Variants in GPATCH2 observed in about 807,000 individuals in gnomAD.
GPATCH2 encodes the protein G-patch domain containing 2.
GPATCH2 carries 51 observed loss-of-function variants against 58.0 expected under a neutral mutation model. The ratio of observed to expected loss-of-function variants is 0.88; its 90% confidence interval spans 0.70 to 1.11. GPATCH2 has a LOEUF of 1.11. Among genes scored for constraint, GPATCH2 ranks in the 50% most tolerant of loss-of-function variants. The pLI is 0.00. For missense variants in GPATCH2, 625 were observed against 652.2 expected, an observed-to-expected ratio of 0.96 and a Z score of 0.45; for synonymous variants, 222 against 218.5, an observed-to-expected ratio of 1.02 and a Z score of -0.14.
intron 7 of GPATCH2, among the ~76,000 whole-genome samples, chr1:217,493,210 A>G (rs906731986): frequency 6.6e-6 from 1 of 152,140 alleles, no homozygotes; most frequent in Non-Finnish European, 1.5e-5. Context: ...TGCAGACACT[A>G]TGAGCTTTCT....
At chr1:217,513,775 C>G (rs563148734) in intron 6 of GPATCH2, among the ~76,000 whole-genome samples, 1 of 151,648 alleles carries the variant, frequency 6.6e-6, no homozygotes, top group South Asian at 2.1e-4. Flanking sequence ...TATATTATTA[C>G]CAAATGCTTG....
chr1:217,464,023 T>G (rs1429848819), intron 8 of GPATCH2, among the ~76,000 whole-genome samples: 1 of 152,116 alleles, frequency 6.6e-6, no homozygotes, highest in Non-Finnish European at 1.5e-5. Context: ...TTTTTTCTAG[T>G]AACAGACAAT....
chr1:217,578,125 G>T (rs1666896433), intron 5 of GPATCH2, among the ~76,000 whole-genome samples: 1 of 140,098 alleles, frequency 7.1e-6, no homozygotes, highest in Admixed American at 7.2e-5. Context: ...AGGCAAATTT[G>T]ATTTAATGGC....
intron 8 of GPATCH2, among the ~76,000 whole-genome samples, chr1:217,487,954 C>T (rs1353106655): frequency 6.6e-6 from 1 of 152,036 alleles, no homozygotes; most frequent in Non-Finnish European, 1.5e-5. Flanking sequence ...GTTGGTCAGG[C>T]TGGTATCGAA....
chr1:217,508,517 TTATCTC>T (rs1662675110), intron 6 of GPATCH2, among the ~76,000 whole-genome samples: 1 of 152,142 alleles, frequency 6.6e-6, no homozygotes, highest in Non-Finnish European at 1.5e-5. Context: ...TAAATCATAT[TTATCTC>T]TATTTAAAAG....
chr1:217,453,661 AAAC>A (rs1346603210), intron 8 of GPATCH2, among the ~76,000 whole-genome samples: 1 of 152,190 alleles, frequency 6.6e-6, no homozygotes, highest in African/African-American at 2.4e-5. Flanking sequence ...AAACAAAACA[AAAC>A]AACAACCCAA....
Position 217,507,807 on chromosome 1 carries a change from ATT to A in GPATCH2, c.1166+7013_1166+7014del, listed in dbSNP as rs1234988583. Among the ~76,000 whole-genome samples, 143 of 152,228 alleles carry A rather than the reference ATT, an allele frequency of 9.4e-4. 1 individual carries two copies. Among genetic ancestry groups the A allele is most frequent in the Admixed American group, 9.3e-3 (142 of 15,290 alleles). ...CCAACAATTAATAGAGGCTTAATAC[ATT>A]TGTCTTTTTAATTGACTTTTGGTTG... On this transcript the variant is annotated intron_variant, in intron 6 of 9. Transcript: ENST00000366935.
intron 5 of GPATCH2, among the ~76,000 whole-genome samples, chr1:217,527,588 G>A (rs1328056017): frequency 2.6e-5 from 4 of 151,722 alleles, no homozygotes; most frequent in Non-Finnish European, 5.9e-5. Context: ...TATGTCAGGA[G>A]GGAAACAAAC....
At chr1:217,589,876 C>G (rs1478521059) in intron 5 of GPATCH2, among the ~76,000 whole-genome samples, 1 of 152,074 alleles carries the variant, frequency 6.6e-6, no homozygotes, top group Non-Finnish European at 1.5e-5. Flanking sequence ...AGTAAAATGC[C>G]TGAATTCTCA....
At chr1:217,438,520 T>C (rs1658961878) in intron 9 of GPATCH2, among the ~76,000 whole-genome samples, 1 of 151,954 alleles carries the variant, frequency 6.6e-6, no homozygotes, top group Non-Finnish European at 1.5e-5. Flanking sequence ...GAGAAGAACA[T>C]AAATAACCTG....
intron 8 of GPATCH2, among the ~76,000 whole-genome samples, chr1:217,455,385 C>T (rs1008745234): frequency 1.3e-5 from 2 of 152,114 alleles, no homozygotes; most frequent in African/African-American, 4.8e-5. Context: ...TCACTGCCTA[C>T]CTGTTGGCAA....
rs181611955 is a variant in GPATCH2, at chr1:217,537,123, T to C, written c.1099-22234A>G. Among the ~76,000 whole-genome samples the C allele has an allele frequency of 3.1e-3, 466 of 152,346 alleles. 2 individuals are homozygous for C. Among genetic ancestry groups the C allele is most frequent in the Middle Eastern group, 0.017 (5 of 294 alleles). ...GCATCAAAAACATTTGGTGATTCTA[T>C]GTTGAGTTCTTAGATCATTTTCATA... On this transcript the variant is annotated intron_variant, in intron 5 of 9. Coordinates refer to ENST00000366935, the MANE Select transcript of GPATCH2 (RefSeq NM_018040.5).
At chr1:217,433,173 T>G (rs112986099) in intron 9 of GPATCH2, among the ~76,000 whole-genome samples, 3 of 152,060 alleles carry the variant, frequency 2.0e-5, no homozygotes, top group Non-Finnish European at 2.9e-5. Flanking sequence ...TGGAACTCTC[T>G]GTCCTACTCT....
intron 8 of GPATCH2, among the ~76,000 whole-genome samples, chr1:217,469,432 A>C (rs1007368995): frequency 2.0e-5 from 3 of 152,182 alleles, no homozygotes; most frequent in Admixed American, 1.3e-4. Context: ...TGGTATACAA[A>C]TAAATCACTA....
intron 5 of GPATCH2, among the ~76,000 whole-genome samples, chr1:217,528,536 G>C (rs370688508): frequency 6.6e-6 from 1 of 152,188 alleles, no homozygotes; most frequent in Non-Finnish European, 1.5e-5. Flanking sequence ...AGTAGGAGGA[G>C]TAAGTCAGAA....
chr1:217,495,735 C>T (rs1281147111), intron 7 of GPATCH2, among the ~76,000 whole-genome samples: 2 of 152,150 alleles, frequency 1.3e-5, no homozygotes, highest in Non-Finnish European at 2.9e-5. Context: ...AGACTATAAC[C>T]ACCTCAGGGG....
At chr1:217,433,384 ATTTATTTATT>A (rs1368903318) in intron 9 of GPATCH2, among the ~76,000 whole-genome samples, 829 of 30,236 alleles carry the variant, frequency 0.027, 15 homozygotes, top group African/African-American at 0.076. Context: ...ATATATATAT[ATTTATTTATT>A]TATTTATTTA....
intron 6 of GPATCH2, among the ~76,000 whole-genome samples, chr1:217,503,333 G>A (rs1324048918): frequency 6.6e-6 from 1 of 152,096 alleles, no homozygotes; most frequent in African/African-American, 2.4e-5. Context: ...GGATGGAGCA[G>A]AAGGGACTAT....
intron 1 of GPATCH2, among the ~76,000 whole-genome samples, chr1:217,624,745 T>G (rs1033225186): frequency 6.6e-6 from 1 of 152,146 alleles, no homozygotes; most frequent in African/African-American, 2.4e-5. Flanking sequence ...GTTTTAAAGT[T>G]TGAATTATAC....
Sources: gnomAD v4.1 joint callset for allele counts (sites outside exome capture counted in the v4.1 genomes callset) on GRCh38, gnomAD v4.1.1 for gene constraint, MANE v1.5 for transcripts, NCBI Gene and HGNC (gene_info 2026-07-23, HGNC 2026-07-21) for gene names.